Variants in RNF217 observed in about 807,000 individuals in gnomAD.
The protein encoded by RNF217 is ring finger protein 217.
RNF217 carries 31 observed loss-of-function variants against 57.8 expected under a neutral mutation model. The observed-to-expected ratio is 0.54, with a 90% confidence interval of 0.40 to 0.72. The LOEUF (loss-of-function observed/expected upper bound fraction) is 0.72, where lower values mean the gene tolerates loss of function less well. RNF217 is among the 30% of genes least tolerant of loss of function. RNF217 has a pLI of 0.00. For missense variants in RNF217, 696 were observed against 708.3 expected (o/e 0.98, Z 0.20); for synonymous variants, 313 against 294.0 (o/e 1.06, Z -0.66).
chr6:124,998,584 G>C (rs1233192185), intron 1 of RNF217, among the ~76,000 whole-genome samples: 1 of 152,148 alleles, frequency 6.6e-6, no homozygotes, highest in Non-Finnish European at 1.5e-5. Flanking sequence ...CGGATCATGA[G>C]GTCAGGAGAT....
chr6:125,029,467 A>G (rs1786254234), intron 1 of RNF217, among the ~76,000 whole-genome samples: 1 of 152,078 alleles, frequency 6.6e-6, no homozygotes, highest in African/African-American at 2.4e-5. Context: ...GAATCTAAAA[A>G]CTCCAGGTAA....
Position 125,085,618 on chromosome 6 carries a change from A to G in RNF217, c.*2681A>G, listed in dbSNP as rs1320016201. ...AATATCTTTCTATCCAAGGCTTGTC[A>G]TTTTATATGCTTTTATTGTAAATTT... is the stretch of plus-strand genomic sequence containing the variant. On this transcript the variant is annotated 3_prime_UTR_variant, in exon 6 of 6. Transcript: ENST00000521654. The G allele has an allele frequency of 6.6e-6, 1 of 151,906 alleles. No homozygotes were observed. Among genetic ancestry groups the G allele is most frequent in the Non-Finnish European group, 1.5e-5 (1 of 67,824 alleles). The allele number at this position is 151,906 out of a possible 1,614,324, so 9.4% of individuals were successfully genotyped here. A position where few individuals can be genotyped will look rare whatever the true frequency, so the allele number is the denominator to read the frequency against.
At position 125,033,209 on chromosome 6, in the gene RNF217, T is replaced by C. The variant is rs183582416; in HGVS notation, c.883-12002T>C. 3.6e-3 allele frequency among the ~76,000 whole-genome samples: 541 copies of C among 151,974 alleles called. 10 individuals carry two copies. The highest frequency in any genetic ancestry group is 0.013 in the African/African-American group (524 of 41,460). ...CAGATTCTGTGTTCTTTTTTTTTTTTTATACTTAAGTTTTAGGGTACATGT... is the reference window on the plus strand; with the variant it reads ...CAGATTCTGTGTTCTTTTTTTTTTTCTATACTTAAGTTTTAGGGTACATGT... On this transcript the variant is annotated intron_variant, in intron 1 of 5. Transcript: ENST00000521654.
intron 1 of RNF217, among the ~76,000 whole-genome samples, chr6:124,964,204 G>C (rs187046060): frequency 6.6e-6 from 1 of 152,284 alleles, no homozygotes; most frequent in East Asian, 1.9e-4. Flanking sequence ...TTCAATCTGT[G>C]ATGTTTCTGC....
intron 3 of RNF217, among the ~76,000 whole-genome samples, chr6:125,068,033 TA>T (rs1788001152): frequency 6.6e-6 from 1 of 152,222 alleles, no homozygotes; most frequent in African/African-American, 2.4e-5. Flanking sequence ...ATGTTCATTA[TA>T]TTTTGCAGAT....
At position 124,963,118 on chromosome 6, in the gene RNF217, C is replaced by T. The variant is rs1216360672; in HGVS notation, c.574C>T (p.Pro192Ser). The change falls in exon 1 of 6, where the codon CCG becomes TCG. Residue 192 changes from proline (P) to serine (S), a missense_variant. Pro to Ser is a moderately conservative substitution (Grantham distance 74). This residue lies in a region of RNF217 where 465 missense variants were observed against 386.8 expected (regional missense o/e 1.20). Coordinates refer to ENST00000521654, the MANE Select transcript of RNF217 (RefSeq NM_001286398.3). ...GCCGCCCGCGTCGCCACCTGGGGCT[C>T]CGCCAGTGTTGAACCCTCCCAGCAC... ...LSPPASPPGA[P>S]PVLNPPSTRS... The T allele has an allele frequency of 6.5e-7, 1 of 1,536,596 alleles. No individual in the cohort carries two copies. Among genetic ancestry groups the T allele is most frequent in the Admixed American group, 2.0e-5 (1 of 50,886 alleles).
At chr6:125,037,518 A>G (rs1261998559) in intron 1 of RNF217, among the ~76,000 whole-genome samples, 1 of 152,150 alleles carries the variant, frequency 6.6e-6, no homozygotes, top group East Asian at 1.9e-4. Flanking sequence ...GATTTTTTAA[A>G]TCATTTTTAG....
chr6:125,052,331 T>TGTGTGG (rs553439058), intron 2 of RNF217, among the ~76,000 whole-genome samples: 1 of 139,366 alleles, frequency 7.2e-6, no homozygotes, highest in African/African-American at 3.3e-5. Flanking sequence ...GTTTTATTTG[T>TGTGTGG]TTTGTTTTGT....
intron 3 of RNF217, among the ~76,000 whole-genome samples, chr6:125,063,084 T>C (rs1245360000): frequency 6.6e-6 from 1 of 152,208 alleles, no homozygotes; most frequent in Non-Finnish European, 1.5e-5. Context: ...AGTTTTAATA[T>C]TAAATTTAAA....
At chr6:125,062,727 C>T (rs1787782856) in intron 3 of RNF217, among the ~76,000 whole-genome samples, 2 of 152,080 alleles carry the variant, frequency 1.3e-5, no homozygotes, top group African/African-American at 4.8e-5. Context: ...CAGGTGCCCA[C>T]CACCATGCCC....
At chr6:124,967,350 C>T (rs1783584954) in intron 1 of RNF217, among the ~76,000 whole-genome samples, 1 of 152,134 alleles carries the variant, frequency 6.6e-6, no homozygotes, top group Non-Finnish European at 1.5e-5. Context: ...CAGAATGGTA[C>T]TATGTTCATT....
At chr6:125,076,540 C>A in intron 3 of RNF217, 117 bp from the exon 4 acceptor site, 1 of 663,458 alleles carries the variant, frequency 1.5e-6, no homozygotes, top group Non-Finnish European at 2.7e-6. Context: ...CTCAGGAGTG[C>A]TGTGAGAGAC....
intron 1 of RNF217, among the ~76,000 whole-genome samples, chr6:125,031,115 G>GC (rs1786338422): frequency 1.3e-5 from 2 of 152,244 alleles, no homozygotes; most frequent in African/African-American, 4.8e-5. Context: ...GCCTCTTTCA[G>GC]CCATGGCTGG....
intron 3 of RNF217, among the ~76,000 whole-genome samples, chr6:125,070,320 G>T (rs913862560): frequency 6.6e-6 from 1 of 152,046 alleles, no homozygotes; most frequent in Non-Finnish European, 1.5e-5. Context: ...AAACATGTGC[G>T]TGCACATGTA....
intron 3 of RNF217, among the ~76,000 whole-genome samples, chr6:125,075,885 C>T (rs1201995284): frequency 1.3e-5 from 2 of 151,862 alleles, no homozygotes; most frequent in Non-Finnish European, 2.9e-5. Flanking sequence ...CTGCTTGAGG[C>T]GGTGACTACC....
Position 125,009,377 on chromosome 6 carries a change from T to G in RNF217, c.883-35834T>G, listed in dbSNP as rs960651513. 5.0e-6 allele frequency: 4 copies of G among 802,770 alleles called. No homozygotes were observed. The African/African-American group carries it at 6.8e-5, about 14-fold the overall frequency. The allele number at this position is 802,770 out of a possible 1,614,324, so 49.7% of individuals were successfully genotyped here. On this transcript the variant is annotated intron_variant, in intron 1 of 5. Transcript: ENST00000521654. ...CTCCTGTGAAGCCCTCTCACAGACATAGAGCCTGGAAGAGTAGATTTTTTC... is the reference window on the plus strand; with the variant it reads ...CTCCTGTGAAGCCCTCTCACAGACAGAGAGCCTGGAAGAGTAGATTTTTTC...
intron 4 of RNF217, 76 bp from the exon 5 acceptor site, chr6:125,081,360 T>C: frequency 9.3e-7 from 1 of 1,070,968 alleles, no homozygotes; most frequent in Non-Finnish European, 1.4e-6. Context: ...CACTGTGGTA[T>C]TTAAAAAGCA....
chr6:125,045,199 TC>T lies in RNF217; in HGVS notation c.883-10del, dbSNP rs943122111. The T allele has an allele frequency of 3.8e-6, 6 of 1,578,538 alleles. No homozygotes were observed. Among genetic ancestry groups the T allele is most frequent in the Non-Finnish European group, 3.5e-6 (4 of 1,155,468 alleles). The stretch of plus-strand genomic sequence containing the variant: ...ACGTTTTTTTCCTTCCATCTGCTCT[TC>T]CATCATGCAGGTACAACTTGGCCAA... On this transcript the variant is annotated splice_polypyrimidine_tract_variant and intron_variant, in intron 1 of 5. Coordinates refer to ENST00000521654, the MANE Select transcript of RNF217 (RefSeq NM_001286398.3).
In RNF217 at chr6:125,084,465, T is replaced by C. The variant is rs1391157924; in HGVS notation, c.*1528T>C. 6.6e-6 allele frequency: 1 copy of C among 151,996 alleles called. No homozygotes were observed. The highest frequency in any genetic ancestry group is 1.5e-5 in the Non-Finnish European group (1 of 67,914). The allele number at this position is 151,996 out of a possible 1,614,324, so 9.4% of individuals were successfully genotyped here. A position where few individuals can be genotyped will look rare whatever the true frequency, so the allele number is the denominator to read the frequency against. The stretch of plus-strand genomic sequence containing the variant: ...TAAATTGTCTCCAAATTCTTAAAAT[T>C]AGTCATCTGTCTTAGATGTACATTT... On this transcript the variant is annotated 3_prime_UTR_variant, in exon 6 of 6. Coordinates refer to ENST00000521654, the MANE Select transcript of RNF217 (RefSeq NM_001286398.3).
Sources: gnomAD v4.1 joint callset for allele counts (sites outside exome capture counted in the v4.1 genomes callset) on GRCh38, gnomAD v4.1.1 for gene constraint, gnomAD v4.1.1 regional missense constraint, MANE v1.5 for transcripts, NCBI Gene and HGNC (gene_info 2026-07-23, HGNC 2026-07-21) for gene names.